CERS1: variants seen among roughly 807,000 people sequenced by gnomAD.
CERS1 encodes Embryonic growth/differentiation factor 1.
Under a neutral mutation model 35.7 loss-of-function variants are expected in CERS1, and 16 were observed. The observed-to-expected ratio is 0.45, with a 90% CI of 0.30 to 0.68. CERS1 has a LOEUF of 0.68. CERS1 is among the 30% of genes least tolerant of loss of function. The pLI is 0.08. For synonymous variants in CERS1, 243 were observed against 201.6 expected (o/e 1.21, Z -1.74); for missense variants, 454 against 453.9 (o/e 1.00, Z 0.00).
At position 18,878,979 on chromosome 19, in the gene CERS1, G is replaced by A. The variant is rs770285954; in HGVS notation, c.961C>T (p.Arg321Trp). Residue 321 changes from arginine to tryptophan, a missense_variant, in exon 6 of 8, where the codon CGG (arginine) becomes TGG (tryptophan). Coordinates refer to ENST00000623882, the MANE Select transcript of CERS1 (RefSeq NM_021267.5). The surrounding 1 kb of genome is among the most constrained non-coding windows in gnomAD (Gnocchi z 4.6). Reference protein sequence around the residue: ...TGQVHELKDLREYDTAEAQSL... With the variant: ...TGQVHELKDLWEYDTAEAQSL... The stretch of plus-strand genomic sequence containing the variant: ...TGGGCCTCGGCTGTGTCATACTCCC[G>A]CAGGTCCTTCAGCTCGTGCACCTGG... 8 of 1,613,782 alleles carry A rather than the reference G, an allele frequency of 5.0e-6. No individual in the cohort carries two copies. The highest frequency in any genetic ancestry group is 2.2e-5 in the East Asian group (1 of 44,886).
intron 6 of CERS1, among the ~76,000 whole-genome samples, chr19:18,874,046 A>G (rs1163603517): frequency 6.6e-6 from 1 of 152,146 alleles, no homozygotes; most frequent in African/African-American, 2.4e-5. Flanking sequence ...GGAGAAGAGC[A>G]GAGAGCACGT....
upstream of CERS1, among the ~76,000 whole-genome samples, chr19:18,896,924 C>G (rs1279065630): frequency 4.2e-4 from 55 of 132,046 alleles, no homozygotes; most frequent in Admixed American, 5.3e-4. This position sits in a 1 kb window ranked among gnomAD's most constrained non-coding sequence, Gnocchi z 5.9. Flanking sequence ...CTGGGGAACC[C>G]GGGGGGGGGG....
intron 7 of CERS1, among the ~76,000 whole-genome samples, chr19:18,869,732 G>A (rs2055929669): frequency 6.6e-6 from 1 of 151,666 alleles, no homozygotes; most frequent in African/African-American, 2.4e-5. Flanking sequence ...AAGAGGTGGG[G>A]GTGGGCATGG....
Position 18,884,079 on chromosome 19 carries a change from G to A in CERS1, c.590+8C>T. On this transcript the variant is annotated splice_region_variant and intron_variant, in intron 3 of 7. Transcript: ENST00000623882. ...CCTCGGCCCCCTGCCACCCGATCCT[G>A]TCCTTACCGGAAGGCGTAGGAGGAG... 3 of 1,610,662 alleles carry A rather than the reference G, an allele frequency of 1.9e-6. No individual in the cohort carries two copies. Among genetic ancestry groups the A allele is most frequent in the Non-Finnish European group, 2.5e-6 (3 of 1,177,914 alleles).
chr19:18,891,354 C>A (rs1043090487), intron 2 of CERS1, among the ~76,000 whole-genome samples: 6 of 152,164 alleles, frequency 3.9e-5, no homozygotes, highest in African/African-American at 1.4e-4. Context: ...GGCCCACAGC[C>A]CTGGTGGTCC....
Position 18,868,650 on chromosome 19 carries a change from C to T in CERS1, c.*1335G>A, listed in dbSNP as rs1056201063. On this transcript the variant is annotated 3_prime_UTR_variant, in exon 8 of 8. Coordinates refer to ENST00000623882, the MANE Select transcript of CERS1 (RefSeq NM_021267.5). ...ATGTCCTCATACTGCCGCAGCACCACGTTGTCGCTGTTGTCAAAGAAGAGC... is the reference window on the plus strand; with the variant it reads ...ATGTCCTCATACTGCCGCAGCACCATGTTGTCGCTGTTGTCAAAGAAGAGC... 6.3e-7 allele frequency: 1 copy of T among 1,575,592 alleles called. No homozygotes were observed. The highest frequency in any genetic ancestry group is 8.6e-7 in the Non-Finnish European group (1 of 1,160,640).
chr19:18,893,308 G>A (rs2056541551), intron 2 of CERS1, 108 bp downstream of exon 2: 6 of 1,298,052 alleles, frequency 4.6e-6, no homozygotes, highest in Non-Finnish European at 6.3e-6. Context: ...TCCAACTCCT[G>A]GGCTCCAGTG....
At chr19:18,872,501 C>CCA (rs887555910) in intron 6 of CERS1, among the ~76,000 whole-genome samples, 5 of 151,890 alleles carry the variant, frequency 3.3e-5, no homozygotes, top group African/African-American at 1.2e-4. Context: ...GCATGCAACA[C>CCA]CATGCCCGGG....
intron 3 of CERS1, 136 bp from the exon 4 acceptor site, chr19:18,880,571 C>A: frequency 1.3e-6 from 1 of 799,274 alleles, no homozygotes; most frequent in South Asian, 2.0e-5. Flanking sequence ...CTTCCTGCCT[C>A]GCCTGCCCTG....
Position 18,895,149 on chromosome 19 carries a change from G to A in CERS1, c.249+675C>T, listed in dbSNP as rs868753528. Among the ~76,000 whole-genome samples the A allele has an allele frequency of 1.1e-3, 161 of 152,358 alleles. No homozygotes were observed. Among genetic ancestry groups the A allele is most frequent in the African/African-American group, 3.7e-3 (154 of 41,588 alleles). On this transcript the variant is annotated intron_variant, in intron 1 of 7. Transcript: ENST00000623882. The surrounding 1 kb of genome is among the most constrained non-coding windows in gnomAD (Gnocchi z 6.4). The stretch of plus-strand genomic sequence containing the variant: ...GTCACCTCCAAGGGAGCGACCACTG[G>A]CGTGGCCAGAGCACCCAGGCCCTTG...
At chr19:18,885,645 A>C (rs1483414318) in intron 2 of CERS1, among the ~76,000 whole-genome samples, 1 of 147,614 alleles carries the variant, frequency 6.8e-6, no homozygotes, top group Non-Finnish European at 1.5e-5. Flanking sequence ...TCAGCATGCC[A>C]AGTAGCTGGG....
At position 18,869,201 on chromosome 19, in the gene CERS1, T is replaced by C. The variant is rs2145986231; in HGVS notation, c.*784A>G. The C allele has an allele frequency of 3.2e-6, 4 of 1,253,880 alleles. No homozygotes were observed. Among genetic ancestry groups the C allele is most frequent in the Non-Finnish European group, 4.0e-6 (4 of 1,001,650 alleles). 77.7% of individuals were successfully genotyped at this position (1,253,880 alleles called of 1,614,324 possible). ...CGGCCCGGGGTCCGCGCCCGCGCCC[T>C]GGCCCGCTTGCGCCACGCTCAGCTC... On this transcript the variant is annotated 3_prime_UTR_variant, in exon 8 of 8. Coordinates refer to ENST00000623882, the MANE Select transcript of CERS1 (RefSeq NM_021267.5).
intron 2 of CERS1, among the ~76,000 whole-genome samples, chr19:18,893,154 C>G (rs1159818300): frequency 1.3e-5 from 2 of 152,152 alleles, no homozygotes; most frequent in Non-Finnish European, 2.9e-5. Context: ...ACCTCGTGAT[C>G]CACTCACCTT....
intron 6 of CERS1, among the ~76,000 whole-genome samples, chr19:18,877,441 A>G (rs1194750078): frequency 6.6e-6 from 1 of 152,210 alleles, no homozygotes. Context: ...GGAGAGACCT[A>G]GCTGATCTCT....
intron 3 of CERS1, among the ~76,000 whole-genome samples, chr19:18,881,282 C>T (rs956848057): frequency 6.6e-6 from 1 of 151,292 alleles, no homozygotes; most frequent in East Asian, 1.9e-4. Flanking sequence ...CGCAATGGCA[C>T]GATCTCAGCT....
chr19:18,895,335 G>T lies in CERS1; in HGVS notation c.249+489C>A, dbSNP rs2056598977. ...CTCGCTCCGGGCCGGGGCGCAGCCC[G>T]CATGGCAGGGAGGCGCATGGCGCAG... On this transcript the variant is annotated intron_variant, in intron 1 of 7. Transcript: ENST00000623882. The surrounding 1 kb of genome is among the most constrained non-coding windows in gnomAD (Gnocchi z 6.4). Among the ~76,000 whole-genome samples the T allele has an allele frequency of 6.6e-6, 1 of 152,208 alleles. No homozygotes were observed. Among genetic ancestry groups the T allele is most frequent in the Non-Finnish European group, 1.5e-5 (1 of 68,030 alleles).
At chr19:18,888,161 A>G (rs1293340291) in intron 2 of CERS1, among the ~76,000 whole-genome samples, 1 of 152,102 alleles carries the variant, frequency 6.6e-6, no homozygotes, top group Admixed American at 6.6e-5. Flanking sequence ...GAAGTTCAAG[A>G]CCAGCCTGGC....
chr19:18,884,103 A>G lies in CERS1; in HGVS notation c.574T>C (p.Ser192Pro). Residue 192 changes from serine (S) to proline (P), a missense_variant, in exon 3 of 8, where the codon TCC (serine) becomes CCC (proline). Transcript: ENST00000623882. Reference sequence around the variant, plus strand: ...TGTCCTTACCGGAAGGCGTAGGAGGAGACGATGAGGATGAGAGTGACCACG... The same window carrying G: ...TGTCCTTACCGGAAGGCGTAGGAGGGGACGATGAGGATGAGAGTGACCACG... ...HHVVTLILIV[S>P]SYAFRYHNVG... 6.2e-7 allele frequency: 1 copy of G among 1,612,714 alleles called. No individual in the cohort carries two copies. The highest frequency in any genetic ancestry group is 8.5e-7 in the Non-Finnish European group (1 of 1,179,392).
intron 6 of CERS1, among the ~76,000 whole-genome samples, chr19:18,871,930 G>A (rs1352456841): frequency 1.3e-5 from 2 of 152,216 alleles, no homozygotes; most frequent in Non-Finnish European, 2.9e-5. Context: ...TGACTCCAGG[G>A]ATTCCATTTC....
Sources: allele counts gnomAD v4.1 joint callset (sites outside exome capture counted in the v4.1 genomes callset), GRCh38; gene constraint gnomAD v4.1.1; non-coding constraint Gnocchi (gnomAD v3.1); transcripts MANE v1.5; gene names NCBI Gene and HGNC (gene_info 2026-07-23, HGNC 2026-07-21).